The following ENTREP2 variants were observed in gnomAD, a reference collection of about 807,000 sequenced individuals.
The protein encoded by ENTREP2 is protein ENTREP2.
the ENTREP2 span, among the ~76,000 whole-genome samples, chr15:29,656,919 T>C: frequency 2.0e-5 from 3 of 152,224 alleles, no homozygotes; most frequent in Admixed American, 6.5e-5. Context: ...CAGCTTTTTA[T>C]GACCACAAAA....
At chr15:29,600,096 A>G in the ENTREP2 span, among the ~76,000 whole-genome samples, 1 of 152,252 alleles carries the variant, frequency 6.6e-6, no homozygotes, top group Non-Finnish European at 1.5e-5. Flanking sequence ...ACGGCTGGTG[A>G]CAGAAGGTGC....
the ENTREP2 span, among the ~76,000 whole-genome samples, chr15:29,651,129 T>A: frequency 1.3e-5 from 2 of 152,220 alleles, no homozygotes; most frequent in African/African-American, 2.4e-5. Context: ...ACTTACAGAT[T>A]GTAACCTTAT....
At chr15:29,282,816 G>A in the ENTREP2 span, among the ~76,000 whole-genome samples, 1 of 152,200 alleles carries the variant, frequency 6.6e-6, no homozygotes, top group Non-Finnish European at 1.5e-5. Flanking sequence ...ATCCAAGTCT[G>A]CCCTTTAACC....
At chr15:29,643,155 A>C in the ENTREP2 span, among the ~76,000 whole-genome samples, 3 of 138,488 alleles carry the variant, frequency 2.2e-5, no homozygotes, top group Non-Finnish European at 3.2e-5. Context: ...AGCAAAACCA[A>C]AAGTAGATAA....
At chr15:29,524,399 C>T in the ENTREP2 span, among the ~76,000 whole-genome samples, 1 of 152,108 alleles carries the variant, frequency 6.6e-6, no homozygotes, top group Non-Finnish European at 1.5e-5. Context: ...TGAAGTAGAA[C>T]CCCCACACAT....
the ENTREP2 span, among the ~76,000 whole-genome samples, chr15:29,328,074 T>C: frequency 2.2e-4 from 33 of 152,186 alleles, no homozygotes; most frequent in Non-Finnish European, 2.9e-5. Context: ...CTGTGGTACA[T>C]CTACATAATG....
chr15:29,269,523 C>T, the ENTREP2 span: 4 of 1,541,942 alleles, frequency 2.6e-6, no homozygotes, highest in Admixed American at 4.0e-5. Context: ...GCGAGGGGCC[C>T]TGCGACCCCT....
chr15:29,173,379 C>T, the ENTREP2 span, among the ~76,000 whole-genome samples: 23 of 152,338 alleles, frequency 1.5e-4, no homozygotes, highest in African/African-American at 5.5e-4. Flanking sequence ...CTTTTGGTCA[C>T]TTCTGGCTCA....
chr15:29,264,092 T>G, the ENTREP2 span, among the ~76,000 whole-genome samples: 2 of 132,702 alleles, frequency 1.5e-5, no homozygotes, highest in East Asian at 2.2e-4. Flanking sequence ...GAGGCGGAGA[T>G]TGCAGTGAGC....
At chr15:29,587,203 T>G in the ENTREP2 span, among the ~76,000 whole-genome samples, 1 of 148,614 alleles carries the variant, frequency 6.7e-6, no homozygotes, top group Non-Finnish European at 1.5e-5. Flanking sequence ...CGTAGCTCTG[T>G]CCACTGAAAA....
At chr15:29,319,542 A>T in the ENTREP2 span, among the ~76,000 whole-genome samples, 1 of 152,248 alleles carries the variant, frequency 6.6e-6, no homozygotes, top group Admixed American at 6.5e-5. Context: ...TTCATCTGGA[A>T]TAACAAATTT....
the ENTREP2 span, among the ~76,000 whole-genome samples, chr15:29,354,654 C>T: frequency 6.6e-6 from 1 of 151,950 alleles, no homozygotes; most frequent in East Asian, 1.9e-4. Flanking sequence ...GACACTGTCT[C>T]TATGAAACAC....
the ENTREP2 span, among the ~76,000 whole-genome samples, chr15:29,509,638 A>C: frequency 6.6e-6 from 1 of 152,218 alleles, no homozygotes; most frequent in Non-Finnish European, 1.5e-5. Context: ...AACCTGACAA[A>C]AATAAGCAAT....
the ENTREP2 span, among the ~76,000 whole-genome samples, chr15:29,643,780 C>CAAAAA: frequency 1.1e-4 from 8 of 70,092 alleles, no homozygotes; most frequent in Non-Finnish European, 2.4e-4. Context: ...GACTCTGTCT[C>CAAAAA]AAAAAAAAAA....
chr15:29,560,483 G>A, the ENTREP2 span, among the ~76,000 whole-genome samples: 6 of 152,102 alleles, frequency 3.9e-5, no homozygotes, highest in Admixed American at 6.5e-5. Context: ...GTGAAGCTCC[G>A]CTGGCCCCAT....
the ENTREP2 span, among the ~76,000 whole-genome samples, chr15:29,381,550 G>A: frequency 1.3e-5 from 2 of 151,636 alleles, no homozygotes; most frequent in African/African-American, 4.9e-5. Flanking sequence ...GATGCCCTCG[G>A]AGCATCTCAG....
At chr15:29,478,013 ATATATATT>A in the ENTREP2 span, among the ~76,000 whole-genome samples, 5 of 65,610 alleles carry the variant, frequency 7.6e-5, no homozygotes, top group African/African-American at 4.1e-4. Flanking sequence ...ATATATATAT[ATATATATT>A]TTTTTTTTTT....
chr15:29,117,983 G>A, the ENTREP2 span: 9 of 152,586 alleles, frequency 5.9e-5, no homozygotes, highest in Admixed American at 3.9e-4. Context: ...TCTAGAAAAC[G>A]CGACCTTGGC....
At chr15:29,183,958 T>C in the ENTREP2 span, among the ~76,000 whole-genome samples, 5 of 152,196 alleles carry the variant, frequency 3.3e-5, no homozygotes, top group Non-Finnish European at 5.9e-5. Context: ...ATTATTCTCA[T>C]ACTTTTCTGC....
Sources: gnomAD v4.1 joint callset for allele counts (sites outside exome capture counted in the v4.1 genomes callset) on GRCh38, gnomAD v4.1.1 for gene constraint, MANE v1.5 for transcripts, NCBI Gene and HGNC (gene_info 2026-07-23, HGNC 2026-07-21) for gene names.